Variants in RAB38 observed in about 807,000 individuals in gnomAD.
The protein encoded by RAB38 is ras-related protein Rab-38.
In RAB38, 15 loss-of-function variants were observed where a neutral mutation model predicts 18.4. The observed-to-expected ratio is 0.82, with a 90% CI of 0.55 to 1.26. The LOEUF (loss-of-function observed/expected upper bound fraction) is 1.26. Among genes scored for constraint, RAB38 ranks in the 50% most tolerant of loss-of-function variants. The pLI is 0.00. For missense variants in RAB38, 294 were observed against 267.4 expected (o/e 1.10, Z -0.69); for synonymous variants, 101 against 104.4 (o/e 0.97, Z 0.20).
At chr11:88,106,401 AT>A in the RAB38 span, among the ~76,000 whole-genome samples, 6 of 152,170 alleles carry the variant, frequency 3.9e-5, no homozygotes, top group African/African-American at 1.2e-4. Context: ...AAAACATTGT[AT>A]TTTATTACAA....
the RAB38 span, among the ~76,000 whole-genome samples, chr11:88,102,243 G>A: frequency 1.3e-5 from 2 of 151,942 alleles, no homozygotes; most frequent in African/African-American, 4.8e-5. Context: ...AGCTTCAATA[G>A]GATATAATGT....
chr11:88,038,839 A>G, the RAB38 span, among the ~76,000 whole-genome samples: 3 of 152,206 alleles, frequency 2.0e-5, no homozygotes, highest in Non-Finnish European at 4.4e-5. Flanking sequence ...ATGAAACTTT[A>G]AAGACACATC....
intron 2 of RAB38, among the ~76,000 whole-genome samples, chr11:88,134,143 C>G (rs1345889974): frequency 6.6e-6 from 1 of 152,160 alleles, no homozygotes; most frequent in Non-Finnish European, 1.5e-5. Context: ...GTATAGTAAC[C>G]TTTTAGACTT....
At chr11:88,090,966 A>G in the RAB38 span, among the ~76,000 whole-genome samples, 7 of 152,104 alleles carry the variant, frequency 4.6e-5, no homozygotes, top group East Asian at 1.4e-3. Flanking sequence ...GCCCAAATAC[A>G]GTTAACAGAA....
At chr11:87,845,505 C>T in the RAB38 span, among the ~76,000 whole-genome samples, 4 of 152,004 alleles carry the variant, frequency 2.6e-5, no homozygotes, top group Non-Finnish European at 4.4e-5. Flanking sequence ...GTGAAAATAA[C>T]AGGAGAGATA....
the RAB38 span, among the ~76,000 whole-genome samples, chr11:88,091,230 C>T: frequency 6.6e-6 from 1 of 151,964 alleles, no homozygotes; most frequent in African/African-American, 2.4e-5. Flanking sequence ...CAAAATGATG[C>T]CAATGAATCT....
At chr11:87,804,031 C>A in the RAB38 span, among the ~76,000 whole-genome samples, 4 of 152,188 alleles carry the variant, frequency 2.6e-5, no homozygotes, top group African/African-American at 9.7e-5. Flanking sequence ...ATTTTTCACT[C>A]TGATGCAACT....
chr11:87,882,472 A>G, the RAB38 span, among the ~76,000 whole-genome samples: 1 of 151,998 alleles, frequency 6.6e-6, no homozygotes, highest in East Asian at 2.0e-4. Context: ...TAGGACTATC[A>G]ATCTGCAGAT....
At chr11:88,133,057 T>C (rs1942785235) in intron 2 of RAB38, among the ~76,000 whole-genome samples, 1 of 152,106 alleles carries the variant, frequency 6.6e-6, no homozygotes, top group African/African-American at 2.4e-5. Context: ...GAAAGATAGG[T>C]TAGAGTCCCA....
the RAB38 span, among the ~76,000 whole-genome samples, chr11:87,872,031 G>A: frequency 6.6e-6 from 1 of 151,476 alleles, no homozygotes; most frequent in East Asian, 2.0e-4. Context: ...CATAGGCTCA[G>A]CTTTATAATA....
the RAB38 span, among the ~76,000 whole-genome samples, chr11:88,077,488 A>T: frequency 6.6e-6 from 1 of 152,182 alleles, no homozygotes; most frequent in Non-Finnish European, 1.5e-5. Flanking sequence ...CAGAACCCAG[A>T]TATAAGTCAA....
At chr11:87,976,678 TATTTATATATTTA>T in the RAB38 span, among the ~76,000 whole-genome samples, 9 of 112,676 alleles carry the variant, frequency 8.0e-5, no homozygotes, top group South Asian at 5.8e-4. Flanking sequence ...ATATGATATA[TATTTATATATTTA>T]CAATATATTT....
the RAB38 span, among the ~76,000 whole-genome samples, chr11:87,832,830 A>C: frequency 4.3e-3 from 653 of 151,250 alleles, 1 homozygote; most frequent in African/African-American, 0.015. Flanking sequence ...AATTCCAACT[A>C]CTAAGTCCCT....
the RAB38 span, among the ~76,000 whole-genome samples, chr11:87,949,669 G>A: frequency 2.0e-5 from 3 of 152,176 alleles, no homozygotes; most frequent in Non-Finnish European, 4.4e-5. Context: ...TTCAGGAGCA[G>A]GTTGTTCAGT....
At chr11:87,955,465 C>G in the RAB38 span, among the ~76,000 whole-genome samples, 1 of 151,924 alleles carries the variant, frequency 6.6e-6, no homozygotes, top group East Asian at 1.9e-4. Context: ...TGTAATATAC[C>G]CACATAACGA....
chr11:87,809,203 A>G, the RAB38 span, among the ~76,000 whole-genome samples: 1 of 152,218 alleles, frequency 6.6e-6, no homozygotes, highest in Non-Finnish European at 1.5e-5. Context: ...GACAAAATTC[A>G]GCTATATGTT....
At chr11:87,823,822 A>G in the RAB38 span, among the ~76,000 whole-genome samples, 1 of 152,186 alleles carries the variant, frequency 6.6e-6, no homozygotes, top group Non-Finnish European at 1.5e-5. Context: ...AATAAAAAGG[A>G]ACACAGATGA....
chr11:87,896,653 C>T, the RAB38 span, among the ~76,000 whole-genome samples: 3 of 151,624 alleles, frequency 2.0e-5, no homozygotes, highest in East Asian at 3.9e-4. Flanking sequence ...CCAACATTTC[C>T]AGGCAGAGGA....
At chr11:88,009,817 C>A in the RAB38 span, among the ~76,000 whole-genome samples, 1 of 152,050 alleles carries the variant, frequency 6.6e-6, no homozygotes, top group Non-Finnish European at 1.5e-5. Flanking sequence ...TTTGTCTGTG[C>A]TCTTTATATA....
Sources: gnomAD v4.1 joint callset for allele counts (sites outside exome capture counted in the v4.1 genomes callset) on GRCh38, gnomAD v4.1.1 for gene constraint, MANE v1.5 for transcripts, NCBI Gene and HGNC (gene_info 2026-07-23, HGNC 2026-07-21) for gene names.